ADCY4: variants seen among roughly 807,000 people sequenced by gnomAD.
ADCY4 encodes adenylate cyclase type 4.
In ADCY4, 111 loss-of-function variants were observed where a neutral mutation model predicts 125.5. The observed-to-expected ratio is 0.88, with a 90% CI of 0.76 to 1.04. The LOEUF (loss-of-function observed/expected upper bound fraction) is 1.04. ADCY4 is among the 50% of genes least tolerant of loss of function. The pLI is 0.00. For missense variants in ADCY4, 1,256 were observed against 1,382.9 expected (o/e 0.91, Z 1.46); for synonymous variants, 576 against 586.9 (o/e 0.98, Z 0.27).
intron 20 of ADCY4, among the ~76,000 whole-genome samples, chr14:24,320,488 G>C (rs2041834660): frequency 6.6e-6 from 1 of 152,188 alleles, no homozygotes; most frequent in Admixed American, 6.5e-5. Flanking sequence ...GTCTGTAAGA[G>C]AAGAAACCAG....
rs2041859750 is a variant in ADCY4, at chr14:24,322,049, AG to A, written c.2586+16del. 15 of 1,600,330 alleles carry A rather than the reference AG, an allele frequency of 9.4e-6. No homozygotes were observed. The highest frequency in any genetic ancestry group is 1.3e-5 in the Non-Finnish European group (15 of 1,169,806). ...CTATGGCATCCGTGGCTCAGGAGTC[AG>A]GGGGTCAGGAGTCACCTCGTTGCGC... On this transcript the variant is annotated intron_variant, in intron 20 of 24. Coordinates refer to ENST00000418030, the MANE Select transcript of ADCY4 (RefSeq NM_001198568.2).
chr14:24,330,299 G>A lies in ADCY4; in HGVS notation c.931-4C>T, dbSNP rs1258704765. 2 of 1,614,130 alleles carry A rather than the reference G, an allele frequency of 1.2e-6. No homozygotes were observed. Among genetic ancestry groups the A allele is most frequent in the Non-Finnish European group, 1.7e-6 (2 of 1,180,030 alleles). ...TGATCCGCATGCATTCATGCTCCTG[G>A]GAGTGTGTATGTGGGTGTGCAGAGG... On this transcript the variant is annotated splice_region_variant and splice_polypyrimidine_tract_variant and intron_variant, in intron 6 of 24. Coordinates refer to ENST00000418030, the MANE Select transcript of ADCY4 (RefSeq NM_001198568.2).
chr14:24,326,104 C>G lies in ADCY4; in HGVS notation c.1630G>C (p.Val544Leu). 1 of 1,586,086 alleles carries G rather than the reference C, an allele frequency of 6.3e-7. No individual in the cohort carries two copies. The highest frequency in any genetic ancestry group is 8.6e-7 in the Non-Finnish European group (1 of 1,163,906). Residue 544 changes from valine (V) to leucine (L), a missense_variant, in exon 12 of 25, where the codon GTC becomes CTC. Coordinates refer to ENST00000418030, the MANE Select transcript of ADCY4 (RefSeq NM_001198568.2). ...TTCTGCGAGTTGAGCTGCTCAATGA[C>G]CTGGAAGAACTTGGCATCCCCGGTG... ...LDTGDAKFFQVIEQLNSQKQW... is the reference protein window; with the variant it reads ...LDTGDAKFFQLIEQLNSQKQW...
Position 24,334,798 on chromosome 14 carries a change from T to A in ADCY4, c.-146A>T. On this transcript the variant is annotated 5_prime_UTR_variant, in exon 1 of 25. The change creates a new upstream start codon in the 5' untranslated region. Coordinates refer to ENST00000418030, the MANE Select transcript of ADCY4 (RefSeq NM_001198568.2). ...CCAACCTCGTGGCAATCCCGTCTCC[T>A]TTTTCAGGCCCTCCCTGCGGCCTCC... 1.5e-6 allele frequency: 1 copy of A among 646,714 alleles called. No individual in the cohort carries two copies. The highest frequency in any genetic ancestry group is 2.6e-6 in the Non-Finnish European group (1 of 392,102). 40.1% of individuals were successfully genotyped at this position (646,714 alleles called of 1,614,324 possible). A position where few individuals can be genotyped will look rare whatever the true frequency, so the allele number is the denominator to read the frequency against.
At chr14:24,328,726 C>T (rs1321226689) in intron 10 of ADCY4, 2 of 260,084 alleles carry the variant, frequency 7.7e-6, no homozygotes, top group African/African-American at 4.5e-5. Context: ...GCTGCCTTTT[C>T]TCTTATCTCT....
At chr14:24,330,371 G>T (rs985627169) in intron 6 of ADCY4, 76 bp from the exon 7 acceptor site, 10 of 1,598,402 alleles carry the variant, frequency 6.3e-6, no homozygotes, top group African/African-American at 1.3e-5. Context: ...GGAAAAGTGG[G>T]CAGCGAGCGG....
chr14:24,330,808 T>C (rs2042029106), intron 6 of ADCY4: 1 of 551,730 alleles, frequency 1.8e-6, no homozygotes, highest in South Asian at 2.6e-5. Flanking sequence ...TGTGGCGATA[T>C]TGAGGGATCT....
At chr14:24,330,049 T>C (rs775875163) in intron 7 of ADCY4, 31 bp from the exon 8 acceptor site, 1 of 1,604,560 alleles carries the variant, frequency 6.2e-7, no homozygotes, top group Non-Finnish European at 8.5e-7. Context: ...ACAATCTGAG[T>C]CCTACCCTCA....
chr14:24,321,092 CTTTTT>C (rs113506596), intron 20 of ADCY4, among the ~76,000 whole-genome samples: 9 of 120,230 alleles, frequency 7.5e-5, no homozygotes, highest in Non-Finnish European at 1.2e-4. Context: ...AATTGCATTT[CTTTTT>C]TTTTTTTTTT....
chr14:24,319,448 G>A lies in ADCY4; in HGVS notation c.2734-12C>T, dbSNP rs747313455. ...GGCTTGGAGAGCAGCTGTATATAGA[G>A]AAGAGTCCTGTCCCCAGTCTCTCTT... On this transcript the variant is annotated splice_polypyrimidine_tract_variant and intron_variant, in intron 21 of 24. Coordinates refer to ENST00000418030, the MANE Select transcript of ADCY4 (RefSeq NM_001198568.2). This position sits in a 1 kb window ranked among gnomAD's most constrained non-coding sequence, Gnocchi z 4.5. 4.3e-6 allele frequency: 7 copies of A among 1,612,824 alleles called. No homozygotes were observed. The East Asian group carries it at 1.6e-4, about 36-fold the overall frequency.
intron 1 of ADCY4, among the ~76,000 whole-genome samples, chr14:24,333,387 A>AT (rs112568342): frequency 0.12 from 16,786 of 145,386 alleles, 1,491 homozygotes; most frequent in African/African-American, 0.25. Context: ...CGCCCAGCTA[A>AT]TTTTTTTTTT....
intron 13 of ADCY4, 77 bp downstream of exon 13, chr14:24,325,741 C>T (rs2041931791): frequency 6.6e-7 from 1 of 1,522,824 alleles, no homozygotes; most frequent in Non-Finnish European, 8.9e-7. Context: ...GGGGAGGAGA[C>T]CCAAGGGCTG....
At chr14:24,332,237 CT>C (rs61560607) in intron 3 of ADCY4, 146,077 of 375,544 alleles carry the variant, frequency 0.39, 8,913 homozygotes, top group Admixed American at 0.43. Context: ...TCGCACAAAA[CT>C]TTTTTTTTTT....
Position 24,323,507 on chromosome 14 carries a change from T to C in ADCY4, c.2047-53A>G, listed in dbSNP as rs1479731079. On this transcript the variant is annotated intron_variant, in intron 16 of 24. Transcript: ENST00000418030. The stretch of plus-strand genomic sequence containing the variant: ...GCAGGTAGCTTCTTGGGCACAGTGG[T>C]GGCTTGTGCTGGGTTTCAGCTGACC... 3.2e-6 allele frequency: 5 copies of C among 1,545,244 alleles called. No individual in the cohort carries two copies. In the African/African-American group the frequency reaches 6.9e-5, roughly 21 times the overall value.
At position 24,319,722 on chromosome 14, in the gene ADCY4, G is replaced by A. The variant is rs2041823500; in HGVS notation, c.2733+20C>T. The A allele has an allele frequency of 6.2e-7, 1 of 1,613,998 alleles. No homozygotes were observed. On this transcript the variant is annotated intron_variant, in intron 21 of 24. Coordinates refer to ENST00000418030, the MANE Select transcript of ADCY4 (RefSeq NM_001198568.2). This position sits in a 1 kb window ranked among gnomAD's most constrained non-coding sequence, Gnocchi z 4.5. Reference sequence around the variant, plus strand: ...CTAGAATCTAGGACATAGGGTCTGGGAGACTCTTGGAATTTTCACCTCATC... The same window carrying A: ...CTAGAATCTAGGACATAGGGTCTGGAAGACTCTTGGAATTTTCACCTCATC...
At position 24,333,764 on chromosome 14, in the gene ADCY4, G is replaced by T. The variant is rs558799723; in HGVS notation, c.159+730C>A. ...CGGGGACCGCGGCCGGCAGCTTGAA[G>T]GGCGGCGCGAGGCAGCGCTCGAGCA... On this transcript the variant is annotated intron_variant, in intron 1 of 24. Coordinates refer to ENST00000418030, the MANE Select transcript of ADCY4 (RefSeq NM_001198568.2). 2.6e-5 allele frequency among the ~76,000 whole-genome samples: 4 copies of T among 152,320 alleles called. No individual in the cohort carries two copies. The South Asian group carries it at 8.3e-4, about 32-fold the overall frequency.
intron 4 of ADCY4, 189 bp downstream of exon 4, chr14:24,331,599 C>T (rs2042042398): frequency 3.9e-6 from 4 of 1,021,266 alleles, no homozygotes; most frequent in Non-Finnish European, 5.5e-6. Flanking sequence ...CTCTAAAGTG[C>T]TTTTTATAAG....
At position 24,331,272 on chromosome 14, in the gene ADCY4, C is replaced by G. The variant is rs200290305; in HGVS notation, c.754G>C (p.Gly252Arg). Reference sequence around the variant, plus strand: ...TTGTTAGTGCTCTCTGGCCGTGACCCCTGTCCTGCCTGCAGCCGTGCCATG... The same window carrying G: ...TTGTTAGTGCTCTCTGGCCGTGACCGCTGTCCTGCCTGCAGCCGTGCCATG... ...EIMARLQAGQ[G>R]SRPESTNNFH... Residue 252 changes from glycine (G) to arginine (R), a missense_variant, in exon 5 of 25, where the codon GGG becomes CGG. By Grantham distance (125) the Gly-to-Arg change is moderately radical. Transcript: ENST00000418030. 4 of 1,614,076 alleles carry G rather than the reference C, an allele frequency of 2.5e-6. No homozygotes were observed. In the African/African-American group the frequency reaches 5.3e-5, roughly 22 times the overall value.
At chr14:24,329,694 T>C (rs747062300) in intron 8 of ADCY4, among the ~76,000 whole-genome samples, 161 bp from the exon 9 acceptor site, 3 of 152,052 alleles carry the variant, frequency 2.0e-5, no homozygotes, top group Non-Finnish European at 4.4e-5. Flanking sequence ...TTACAGGAGG[T>C]GCCTCCCAGC....
Sources: gnomAD v4.1 joint callset for allele counts (sites outside exome capture counted in the v4.1 genomes callset) on GRCh38, gnomAD v4.1.1 for gene constraint, Gnocchi (gnomAD v3.1) non-coding constraint, MANE v1.5 for transcripts, NCBI Gene and HGNC (gene_info 2026-07-23, HGNC 2026-07-21) for gene names.